TSEN15: variants seen among roughly 807,000 people sequenced by gnomAD.
TSEN15 encodes the protein tRNA-splicing endonuclease subunit Sen15.
TSEN15 carries 10 observed loss-of-function variants against 20.5 expected under a neutral mutation model. The ratio of observed to expected loss-of-function variants is 0.49; its 90% CI spans 0.30 to 0.83. The LOEUF is 0.83. Among genes scored for constraint, TSEN15 ranks in the 40% least tolerant of loss-of-function variants. TSEN15 has a pLI of 0.06. For missense variants in TSEN15, 180 were observed against 218.6 expected (o/e 0.82, Z 1.11); for synonymous variants, 72 against 80.1 (o/e 0.90, Z 0.54).
chr1:184,073,042 G>A lies in TSEN15; in HGVS notation c.*195G>A. 1.8e-6 allele frequency: 1 copy of A among 568,784 alleles called. No individual in the cohort carries two copies. Among genetic ancestry groups the A allele is most frequent in the Non-Finnish European group, 3.1e-6 (1 of 327,760 alleles). The allele number at this position is 568,784 out of a possible 1,614,324, so 35.2% of individuals were successfully genotyped here. ...TTCTCCTTCTTAAAAAATATAGGGT[G>A]ATTTCTTTAAAACTTTGTTATCTAG... On this transcript the variant is annotated 3_prime_UTR_variant, in exon 5 of 5. Transcript: ENST00000645668.
intron 3 of TSEN15, among the ~76,000 whole-genome samples, chr1:184,064,932 C>G (rs1345970082): frequency 6.6e-6 from 1 of 152,088 alleles, no homozygotes; most frequent in Non-Finnish European, 1.5e-5. Context: ...TAAATATCAT[C>G]GATATACTGA....
At chr1:184,072,517 A>G (rs1572715775) in intron 4 of TSEN15, 1 of 556,872 alleles carries the variant, frequency 1.8e-6, no homozygotes, top group East Asian at 3.2e-5. Flanking sequence ...TGATTTCCTT[A>G]CTCTTTGGAG....
downstream of TSEN15, among the ~76,000 whole-genome samples, chr1:184,075,219 C>T (rs1201867350): frequency 6.6e-6 from 1 of 152,028 alleles, no homozygotes; most frequent in East Asian, 1.9e-4. Context: ...GGGATGTTTA[C>T]TCTATTTCAG....
chr1:184,059,631 C>T (rs1280107231), intron 3 of TSEN15, among the ~76,000 whole-genome samples: 1 of 152,010 alleles, frequency 6.6e-6, no homozygotes, highest in African/African-American at 2.4e-5. Flanking sequence ...AGTGCAGTGG[C>T]ACAATCTCGG....
chr1:184,055,823 G>T (rs1650231374), intron 3 of TSEN15, among the ~76,000 whole-genome samples: 1 of 151,830 alleles, frequency 6.6e-6, no homozygotes, highest in Admixed American at 6.6e-5. Context: ...AAGTATCTCT[G>T]TACCCATCAC....
intron 3 of TSEN15, among the ~76,000 whole-genome samples, chr1:184,092,123 G>T (rs1651371039): frequency 6.6e-6 from 1 of 152,166 alleles, no homozygotes; most frequent in Non-Finnish European, 1.5e-5. Context: ...GGAGAGGCTG[G>T]CTATTACTTA....
downstream of TSEN15, among the ~76,000 whole-genome samples, chr1:184,078,133 C>T (rs1010952021): frequency 9.9e-5 from 15 of 152,160 alleles, no homozygotes; most frequent in South Asian, 1.0e-3. Flanking sequence ...CCACAGCCAC[C>T]GCAACCTTCA....
chr1:184,095,282 TAAG>T (rs1049068973), intron 3 of TSEN15: 4 of 395,482 alleles, frequency 1.0e-5, no homozygotes, highest in Non-Finnish European at 1.8e-5. Context: ...TTCTCTTCAA[TAAG>T]AAGAAAGAGC....
intron 3 of TSEN15, among the ~76,000 whole-genome samples, chr1:184,069,700 C>T (rs541858758): frequency 6.6e-6 from 1 of 151,936 alleles, no homozygotes; most frequent in Non-Finnish European, 1.5e-5. Context: ...GCAAAATAAA[C>T]ATTTTTAAGA....
In TSEN15 at chr1:184,087,941, G is replaced by C. The variant is rs569042660; in HGVS notation, c.354-7749G>C. Among the ~76,000 whole-genome samples, 292 of 152,312 alleles carry C rather than the reference G, an allele frequency of 1.9e-3. 2 individuals are homozygous for C. The highest frequency in any genetic ancestry group is 3.1e-3 in the Non-Finnish European group (212 of 68,022). ...TCGGAGATGGAGGAGAAGAAATCTA[G>C]TGGACAGTGGATGGATAAATCTGGA... is the stretch of plus-strand genomic sequence containing the variant. On this transcript the variant is annotated intron_variant, in intron 3 of 3. Transcript: ENST00000643231.
rs142964778 is a variant in TSEN15, at chr1:184,062,860, A to G, written c.353+7997A>G. Among the ~76,000 whole-genome samples, 467 of 152,028 alleles carry G rather than the reference A, an allele frequency of 3.1e-3. 2 individuals carry two copies. The highest frequency in any genetic ancestry group is 7.3e-3 in the African/African-American group (304 of 41,514). ...GAAAACCTTAGTTGACATATTTTAA[A>G]CTCATCTGTGGTTATATGTAAATTA... On this transcript the variant is annotated intron_variant, in intron 3 of 4. Coordinates refer to ENST00000645668, the MANE Select transcript of TSEN15 (RefSeq NM_052965.4).
At chr1:184,074,317 C>T (rs1221412167), downstream of TSEN15, 1 of 152,120 alleles carries the variant, frequency 6.6e-6, no homozygotes, top group Non-Finnish European at 1.5e-5. Flanking sequence ...TTTTTGTGGG[C>T]AAGGGACCCG....
intron 3 of TSEN15, among the ~76,000 whole-genome samples, chr1:184,089,680 A>G (rs1266905193): frequency 6.6e-6 from 1 of 152,120 alleles, no homozygotes; most frequent in Non-Finnish European, 1.5e-5. Context: ...ACTAGATAGC[A>G]TGCGGAAAAA....
intron 3 of TSEN15, among the ~76,000 whole-genome samples, chr1:184,090,459 C>A (rs1651337399): frequency 6.6e-6 from 1 of 152,124 alleles, no homozygotes; most frequent in East Asian, 1.9e-4. Context: ...GGTGCATATT[C>A]TTTCATGTAA....
intron 1 of TSEN15, among the ~76,000 whole-genome samples, chr1:184,052,823 T>G (rs1163775805): frequency 1.3e-5 from 2 of 152,194 alleles, no homozygotes; most frequent in Non-Finnish European, 2.9e-5. Flanking sequence ...AGAGGCAGCA[T>G]ATTGGTTAGG....
chr1:184,089,088 CT>C (rs1651314255), intron 3 of TSEN15, among the ~76,000 whole-genome samples: 1 of 152,208 alleles, frequency 6.6e-6, no homozygotes, highest in Non-Finnish European at 1.5e-5. Context: ...GCCAGATATT[CT>C]TACTTTTGTG....
chr1:184,087,675 G>A (rs910218700), intron 3 of TSEN15, among the ~76,000 whole-genome samples: 3 of 152,176 alleles, frequency 2.0e-5, no homozygotes, highest in African/African-American at 7.2e-5. Context: ...AGATGGAGAG[G>A]AGCCGATGTA....
chr1:184,072,600 A>T, intron 4 of TSEN15: 1 of 579,596 alleles, frequency 1.7e-6, no homozygotes, highest in Non-Finnish European at 3.0e-6. Flanking sequence ...CTGAGGTGGA[A>T]TGTAAAGGCT....
chr1:184,067,746 C>T (rs1257298399), intron 3 of TSEN15, among the ~76,000 whole-genome samples: 6 of 151,454 alleles, frequency 4.0e-5, no homozygotes, highest in African/African-American at 1.2e-4. Context: ...GGCAAAACCC[C>T]GTCTCTACTA....
Sources: gnomAD v4.1 joint callset for allele counts (sites outside exome capture counted in the v4.1 genomes callset) on GRCh38, gnomAD v4.1.1 for gene constraint, MANE v1.5 for transcripts, NCBI Gene and HGNC (gene_info 2026-07-23, HGNC 2026-07-21) for gene names.